Variants in UGT2B11 observed in about 807,000 individuals in gnomAD.
The protein encoded by UGT2B11 is UDP-glucuronosyltransferase 2B11.
UGT2B11 carries 49 observed loss-of-function variants against 51.7 expected under a neutral mutation model. The ratio of observed to expected loss-of-function variants is 0.95; its 90% confidence interval spans 0.75 to 1.20. The LOEUF (loss-of-function observed/expected upper bound fraction) is 1.20. Ranked by LOEUF, UGT2B11 falls within the 50% of genes most tolerant of loss-of-function variation. The probability of loss-of-function intolerance (pLI) is 0.00; values close to 1 mark genes in which losing one functional copy is unlikely to be tolerated. For synonymous variants in UGT2B11, 273 were observed against 209.0 expected, an observed-to-expected ratio of 1.31 and a Z score of -2.64; for missense variants, 810 against 622.1, an observed-to-expected ratio of 1.30 and a Z score of -3.21.
chr4:69,208,418 A>G lies in UGT2B11; in HGVS notation c.935T>C (p.Val312Ala). ...CCTTTCTGCTGTCATGTTACTTATC[A>G]CTGACCCCAGAGAAAACACCACAAC... is the stretch of plus-strand genomic sequence containing the variant. ...NGVVVFSLGS[V>A]ISNMTAERAN... The change falls in exon 3 of 6, where the codon GTG (valine) becomes GCG (alanine). Residue 312 changes from valine to alanine, a missense_variant. By Grantham distance (64) the Val-to-Ala change is moderately conservative. Transcript: ENST00000446444. 6.2e-7 allele frequency: 1 copy of G among 1,610,584 alleles called. No homozygotes were observed. Among genetic ancestry groups the G allele is most frequent in the African/African-American group, 1.3e-5 (1 of 74,672 alleles).
At chr4:69,212,071 G>A (rs1458173930) in intron 2 of UGT2B11, among the ~76,000 whole-genome samples, 2 of 151,234 alleles carry the variant, frequency 1.3e-5, no homozygotes, top group East Asian at 1.9e-4. Context: ...TTACTAATCA[G>A]TAACTCCAGG....
At chr4:69,210,086 T>C (rs1317883029) in intron 2 of UGT2B11, among the ~76,000 whole-genome samples, 1 of 151,622 alleles carries the variant, frequency 6.6e-6, no homozygotes, top group African/African-American at 2.4e-5. Flanking sequence ...ATATACATTT[T>C]ATCCTGCGAA....
At position 69,214,365 on chromosome 4, in the gene UGT2B11, A is replaced by G. The variant is rs762870569; in HGVS notation, c.358T>C (p.Tyr120His). The part of the protein sequence containing the change: ...SQEQEILWEL[Y>H]DIFRNFCKDV... ...TTACAGAAGTTTCTAAATATGTCAT[A>G]TAATTCCCACAGGATTTCTTGTTCT... Residue 120 changes from tyrosine (Y) to histidine (H), a missense_variant, in exon 1 of 6, where the codon TAT (tyrosine) becomes CAT (histidine). Transcript: ENST00000446444. 3.2e-5 allele frequency: 51 copies of G among 1,612,382 alleles called. No individual in the cohort carries two copies. In the Admixed American group the frequency reaches 3.7e-4, roughly 12 times the overall value.
At chr4:69,220,142 T>G in the UGT2B11 span, among the ~76,000 whole-genome samples, 3 of 152,162 alleles carry the variant, frequency 2.0e-5, no homozygotes, top group Admixed American at 2.0e-4. Context: ...AAGTCCGAAA[T>G]CCAGGTAAGG....
intron 2 of UGT2B11, among the ~76,000 whole-genome samples, 196 bp downstream of exon 2, chr4:69,212,377 T>C (rs550943772): frequency 6.6e-6 from 1 of 151,758 alleles, no homozygotes; most frequent in South Asian, 2.1e-4. Flanking sequence ...TATTCCTCTC[T>C]ATTTGTAATA....
chr4:69,224,646 G>A, the UGT2B11 span, among the ~76,000 whole-genome samples: 1 of 152,038 alleles, frequency 6.6e-6, no homozygotes, highest in African/African-American at 2.4e-5. Context: ...CTCCTGGCTG[G>A]TTCACCAAAA....
chr4:69,214,673 T>G lies in UGT2B11; in HGVS notation c.50A>C (p.Tyr17Ser), dbSNP rs1722209879. The G allele has an allele frequency of 1.9e-6, 3 of 1,612,868 alleles. No homozygotes were observed. Among genetic ancestry groups the G allele is most frequent in the African/African-American group, 1.3e-5 (1 of 74,838 alleles). ...TTTTCCACAACTCCCAGAGCTAAAGTAACAACTGAGATGTATCAGCAGAAG... is the reference window on the plus strand; with the variant it reads ...TTTTCCACAACTCCCAGAGCTAAAGGAACAACTGAGATGTATCAGCAGAAG... ...SVLLLIHLSC[Y>S]FSSGSCGKVL... The change falls in exon 1 of 6, where the codon TAC becomes TCC. Residue 17 changes from tyrosine to serine, a missense_variant. Physicochemically the swap from Tyr to Ser is moderately radical, Grantham distance 144. Coordinates refer to ENST00000446444, the MANE Select transcript of UGT2B11 (RefSeq NM_001073.3).
At chr4:69,224,264 C>G in the UGT2B11 span, among the ~76,000 whole-genome samples, 2 of 152,120 alleles carry the variant, frequency 1.3e-5, no homozygotes, top group Admixed American at 6.5e-5. Context: ...ATGTGGTGGT[C>G]TCACACTCAG....
At chr4:69,210,278 T>G (rs1722012723) in intron 2 of UGT2B11, among the ~76,000 whole-genome samples, 1 of 151,638 alleles carries the variant, frequency 6.6e-6, no homozygotes, top group African/African-American at 2.4e-5. Context: ...ATATTTTCCA[T>G]AAGGTTTAAT....
the UGT2B11 span, among the ~76,000 whole-genome samples, chr4:69,221,149 T>C: frequency 6.6e-6 from 1 of 152,172 alleles, no homozygotes; most frequent in African/African-American, 2.4e-5. Context: ...CACAGTTCTT[T>C]CGGAGTGCCA....
chr4:69,204,520 T>G lies in UGT2B11; in HGVS notation c.1220A>C (p.Lys407Thr), dbSNP rs1458594622. 6 of 1,612,378 alleles carry G rather than the reference T, an allele frequency of 3.7e-6. No individual in the cohort carries two copies. Among genetic ancestry groups the G allele is most frequent in the Non-Finnish European group, 5.1e-6 (6 of 1,178,904 alleles). The part of the protein sequence containing the change: ...FDQPDNIAHM[K>T]AKGAAVRLDF... ...CAATCTAACAGCTGCTCCCTTGGCCTTCATGTGAGCAATGTTATCAGGTTG... is the reference window on the plus strand; with the variant it reads ...CAATCTAACAGCTGCTCCCTTGGCCGTCATGTGAGCAATGTTATCAGGTTG... The change falls in exon 5 of 6, where the codon AAG (lysine) becomes ACG (threonine). Residue 407 changes from lysine (K) to threonine (T), a missense_variant. Lys to Thr is a moderately conservative substitution (Grantham distance 78, BLOSUM62 -1). Coordinates refer to ENST00000446444, the MANE Select transcript of UGT2B11 (RefSeq NM_001073.3).
intron 3 of UGT2B11, among the ~76,000 whole-genome samples, chr4:69,207,243 T>C (rs1721893240): frequency 6.6e-6 from 1 of 151,688 alleles, no homozygotes; most frequent in African/African-American, 2.4e-5. Flanking sequence ...AGCCAAGACA[T>C]TCTTATTTTA....
intron 5 of UGT2B11, 165 bp downstream of exon 5, chr4:69,204,265 A>T (rs1325046107): frequency 1.7e-6 from 2 of 1,181,952 alleles, no homozygotes; most frequent in African/African-American, 3.1e-5. Context: ...ATTCAAACAC[A>T]ATTTTTAAAT....
chr4:69,203,568 T>A (rs566186814), intron 5 of UGT2B11, among the ~76,000 whole-genome samples: 34 of 151,824 alleles, frequency 2.2e-4, no homozygotes, highest in South Asian at 8.3e-4. Flanking sequence ...TAGCCACAAT[T>A]GGAAACAATC....
Position 69,213,991 on chromosome 4 carries a change from C to G in UGT2B11, c.721+11G>C. ...TTAGATCTTCACGTTACCGATTAAACAAATTCTTACCTAAAACTTCACTGT... is the reference window on the plus strand; with the variant it reads ...TTAGATCTTCACGTTACCGATTAAAGAAATTCTTACCTAAAACTTCACTGT... On this transcript the variant is annotated intron_variant, in intron 1 of 5. Transcript: ENST00000446444. The G allele has an allele frequency of 6.5e-7, 1 of 1,548,004 alleles. No individual in the cohort carries two copies. Among genetic ancestry groups the G allele is most frequent in the South Asian group, 1.3e-5 (1 of 77,902 alleles).
intron 4 of UGT2B11, 135 bp from the exon 5 acceptor site, chr4:69,204,784 A>G: frequency 7.2e-7 from 1 of 1,383,296 alleles, no homozygotes; most frequent in East Asian, 2.4e-5. Flanking sequence ...CTTCAGATGA[A>G]AAAGCACGTA....
chr4:69,215,936 C>T (rs948472687), upstream of UGT2B11: 15 of 151,974 alleles, frequency 9.9e-5, no homozygotes, highest in African/African-American at 3.1e-4. Context: ...ACTAATCTCA[C>T]TTCTTTTTGT....
In UGT2B11 at chr4:69,208,471, C is replaced by T; in HGVS notation, c.882G>A (p.Glu294=). The change falls in exon 3 of 6, where the codon GAG becomes GAA. Residue 294 remains glutamate, a synonymous_variant. Transcript: ENST00000446444. ...PAKPLPKEME[E]FVQSSGENGV... ...CATTTTCTCCAGAGCTCTGTACAAACTCCTCCATTTCCTGTGAAAAAAAAA... is the reference window on the plus strand; with the variant it reads ...CATTTTCTCCAGAGCTCTGTACAAATTCCTCCATTTCCTGTGAAAAAAAAA... The T allele has an allele frequency of 2.5e-6, 4 of 1,608,364 alleles. No homozygotes were observed. Among genetic ancestry groups the T allele is most frequent in the African/African-American group, 1.3e-5 (1 of 74,456 alleles).
rs1245600785 is a variant in UGT2B11 at position 69,214,705 on chromosome 4, A to G, written c.18T>C (p.Thr6=). ...TGAGATGTATCAGCAGAAGAACTGAAGTCCATTTCAGAGTCATCCTGGTGC... is the reference window on the plus strand; with the variant it reads ...TGAGATGTATCAGCAGAAGAACTGAGGTCCATTTCAGAGTCATCCTGGTGC... The part of the protein sequence containing the change: MTLKW[T]SVLLLIHLSC... The change falls in exon 1 of 6, where the codon ACT becomes ACC. Residue 6 remains threonine (T), a synonymous_variant. Coordinates refer to ENST00000446444, the MANE Select transcript of UGT2B11 (RefSeq NM_001073.3). 1 of 1,612,390 alleles carries G rather than the reference A, an allele frequency of 6.2e-7. No homozygotes were observed. Among genetic ancestry groups the G allele is most frequent in the African/African-American group, 1.3e-5 (1 of 74,834 alleles).
Sources: gnomAD v4.1 joint callset for allele counts (sites outside exome capture counted in the v4.1 genomes callset) on GRCh38, gnomAD v4.1.1 for gene constraint, MANE v1.5 for transcripts, NCBI Gene and HGNC (gene_info 2026-07-23, HGNC 2026-07-21) for gene names.